LRMDA: variants seen among roughly 807,000 people sequenced by gnomAD.
The protein encoded by LRMDA is leucine-rich melanocyte differentiation-associated protein.
In LRMDA, 18 loss-of-function variants were observed where a neutral mutation model predicts 29.8. The observed-to-expected ratio is 0.60, with a 90% CI of 0.42 to 0.90. The LOEUF (loss-of-function observed/expected upper bound fraction) is 0.90, where lower values mean the gene tolerates loss of function less well. Among genes scored for constraint, LRMDA ranks in the 40% least tolerant of loss-of-function variants. The probability of loss-of-function intolerance (pLI) is 0.00; values close to 1 mark genes in which losing one functional copy is unlikely to be tolerated. For missense variants in LRMDA, 273 were observed against 273.9 expected, an observed-to-expected ratio of 1.00 and a Z score of 0.02; for synonymous variants, 125 against 109.4, an observed-to-expected ratio of 1.14 and a Z score of -0.89.
At chr10:75,500,143 G>T (rs1324179858) in intron 2 of LRMDA, among the ~76,000 whole-genome samples, 1 of 152,130 alleles carries the variant, frequency 6.6e-6, no homozygotes, top group Non-Finnish European at 1.5e-5. Context: ...GAGGTAGGGG[G>T]CTGGAGACCA....
chr10:75,818,689 C>A (rs771062560), intron 2 of LRMDA, among the ~76,000 whole-genome samples: 1 of 152,166 alleles, frequency 6.6e-6, no homozygotes, highest in East Asian at 1.9e-4. Context: ...CTTTCCAAAC[C>A]GGATCACTGG....
At chr10:76,275,244 T>C (rs1052977944) in intron 5 of LRMDA, among the ~76,000 whole-genome samples, 2 of 152,106 alleles carry the variant, frequency 1.3e-5, no homozygotes, top group African/African-American at 4.8e-5. Flanking sequence ...AGACTGACTT[T>C]TCTTCCTTGT....
chr10:75,875,882 G>A (rs952426058), intron 2 of LRMDA, among the ~76,000 whole-genome samples: 8 of 152,222 alleles, frequency 5.3e-5, no homozygotes, highest in African/African-American at 1.9e-4. Flanking sequence ...GGACCCTGGT[G>A]GTAAAACATG....
intron 5 of LRMDA, among the ~76,000 whole-genome samples, chr10:76,122,877 C>A (rs771711658): frequency 8.7e-4 from 133 of 152,138 alleles, no homozygotes; most frequent in Non-Finnish European, 1.7e-3. Flanking sequence ...GCTCATGGTC[C>A]ATGGAGATTA....
chr10:76,047,309 T>C lies in LRMDA; in HGVS notation c.398+6T>C. The stretch of plus-strand genomic sequence containing the variant: ...GAAGACTACAAGAGATACAGGTGAG[T>C]GTCCAGGGGTTGGACCATGGTGGGA... On this transcript the variant is annotated splice_donor_region_variant and intron_variant, in intron 4 of 6. Coordinates refer to ENST00000611255, the MANE Select transcript of LRMDA (RefSeq NM_001305581.2). The C allele has an allele frequency of 6.2e-7, 1 of 1,602,268 alleles. No homozygotes were observed. Among genetic ancestry groups the C allele is most frequent in the East Asian group, 2.2e-5 (1 of 44,706 alleles).
chr10:76,510,660 A>T (rs1843001626), intron 6 of LRMDA, among the ~76,000 whole-genome samples: 1 of 152,186 alleles, frequency 6.6e-6, no homozygotes, highest in Non-Finnish European at 1.5e-5. Context: ...GATGAATTAG[A>T]TAATTGTATA....
chr10:75,612,460 A>G lies in LRMDA; in HGVS notation c.131+173966A>G, dbSNP rs190590955. On this transcript the variant is annotated intron_variant, in intron 2 of 6. Coordinates refer to ENST00000611255, the MANE Select transcript of LRMDA (RefSeq NM_001305581.2). The stretch of plus-strand genomic sequence containing the variant: ...ATACTTGAATGATCTTTTATAAGAC[A>G]TTAAACTTTAATTGATGCCATTTTA... Among the ~76,000 whole-genome samples the G allele has an allele frequency of 5.1e-4, 77 of 152,254 alleles. 1 individual carries two copies. In the East Asian group the frequency reaches 0.012, roughly 24 times the overall value.
intron 2 of LRMDA, among the ~76,000 whole-genome samples, chr10:75,660,369 A>G (rs1841736335): frequency 6.6e-6 from 1 of 152,214 alleles, no homozygotes; most frequent in Non-Finnish European, 1.5e-5. Context: ...TATGGATTGT[A>G]AAAGAACACC....
chr10:76,353,854 A>G (rs1167661352), intron 6 of LRMDA, among the ~76,000 whole-genome samples: 1 of 152,134 alleles, frequency 6.6e-6, no homozygotes, highest in Non-Finnish European at 1.5e-5. Flanking sequence ...AAGGGGGGAC[A>G]TGTGATTTCT....
chr10:76,435,239 A>T (rs1842233647), intron 6 of LRMDA, among the ~76,000 whole-genome samples: 1 of 152,190 alleles, frequency 6.6e-6, no homozygotes, highest in African/African-American at 2.4e-5. Flanking sequence ...TCTGGAGGAG[A>T]TGAAGTGACT....
chr10:75,905,149 G>GT (rs1845737783), intron 2 of LRMDA, among the ~76,000 whole-genome samples: 1 of 151,836 alleles, frequency 6.6e-6, no homozygotes, highest in Non-Finnish European at 1.5e-5. Context: ...CTGATAATGT[G>GT]TGAAAATATT....
intron 2 of LRMDA, among the ~76,000 whole-genome samples, chr10:75,588,137 A>C (rs929378703): frequency 6.6e-6 from 1 of 152,200 alleles, no homozygotes; most frequent in African/African-American, 2.4e-5. Context: ...GAAGCCAGCA[A>C]GATCTGAGAG....
intron 2 of LRMDA, among the ~76,000 whole-genome samples, chr10:75,511,342 C>A (rs1398991773): frequency 6.6e-6 from 1 of 151,998 alleles, no homozygotes; most frequent in African/African-American, 2.4e-5. Context: ...TTCAAAAAAA[C>A]AACAAAAAAC....
At chr10:76,191,995 C>T (rs1285183043) in intron 5 of LRMDA, among the ~76,000 whole-genome samples, 2 of 152,234 alleles carry the variant, frequency 1.3e-5, no homozygotes, top group East Asian at 1.9e-4. Flanking sequence ...GAATAACAAA[C>T]CCAGGTCTCG....
chr10:76,556,073 T>C (rs1843553304), intron 6 of LRMDA, among the ~76,000 whole-genome samples: 1 of 152,230 alleles, frequency 6.6e-6, no homozygotes, highest in South Asian at 2.1e-4. Context: ...TACAGAGCTT[T>C]CATAATAACT....
chr10:75,435,710 T>C (rs780421685), intron 1 of LRMDA, among the ~76,000 whole-genome samples: 2 of 152,200 alleles, frequency 1.3e-5, no homozygotes, highest in Non-Finnish European at 2.9e-5. Context: ...ATCCAAATGC[T>C]TTATGATAGC....
chr10:76,453,105 C>A (rs1842423229), intron 6 of LRMDA, among the ~76,000 whole-genome samples: 1 of 152,202 alleles, frequency 6.6e-6, no homozygotes, highest in South Asian at 2.1e-4. Context: ...AAGAATATTT[C>A]TAAAGCACAG....
chr10:75,862,712 T>C (rs1844952887), intron 2 of LRMDA, among the ~76,000 whole-genome samples: 1 of 152,180 alleles, frequency 6.6e-6, no homozygotes, highest in South Asian at 2.1e-4. Context: ...TTGTTGGCGC[T>C]AATAAAATGA....
chr10:75,845,676 C>T (rs1160588508), intron 2 of LRMDA, among the ~76,000 whole-genome samples: 2 of 152,304 alleles, frequency 1.3e-5, no homozygotes, highest in Admixed American at 1.3e-4. Flanking sequence ...CAGCTCTTCT[C>T]TTATTTTGAG....
Sources: allele counts gnomAD v4.1 joint callset (sites outside exome capture counted in the v4.1 genomes callset), GRCh38; gene constraint gnomAD v4.1.1; transcripts MANE v1.5; gene names NCBI Gene and HGNC (gene_info 2026-07-23, HGNC 2026-07-21).